PDE7B: variants seen among roughly 807,000 people sequenced by gnomAD.
PDE7B encodes the protein 3',5'-cyclic-AMP phosphodiesterase 7B.
PDE7B carries 29 observed loss-of-function variants against 56.2 expected under a neutral mutation model. The ratio of observed to expected loss-of-function variants is 0.52; its 90% CI spans 0.38 to 0.70. The LOEUF (loss-of-function observed/expected upper bound fraction) is 0.70. Ranked by LOEUF, PDE7B falls within the 30% of genes least tolerant of loss-of-function variation. The pLI is 0.00. For missense variants in PDE7B, 490 were observed against 565.0 expected (o/e 0.87, Z 1.35); for synonymous variants, 197 against 196.9 (o/e 1.00, Z 0.00).
chr6:135,950,456 T>C (rs939394738), intron 2 of PDE7B, among the ~76,000 whole-genome samples: 1 of 152,228 alleles, frequency 6.6e-6, no homozygotes, highest in Non-Finnish European at 1.5e-5. Flanking sequence ...ACCATAAATG[T>C]AGTTTTTATT....
chr6:136,167,313 T>C (rs1184921752), intron 8 of PDE7B, among the ~76,000 whole-genome samples: 1 of 152,180 alleles, frequency 6.6e-6, no homozygotes, highest in Non-Finnish European at 1.5e-5. Context: ...ATGGTTTGGC[T>C]GTGTCCCCAC....
chr6:135,888,276 CAA>C (rs1775745413), intron 1 of PDE7B, among the ~76,000 whole-genome samples: 1 of 152,148 alleles, frequency 6.6e-6, no homozygotes, highest in Non-Finnish European at 1.5e-5. Flanking sequence ...CAAGGTCACA[CAA>C]TTAGTGTGAC....
rs113369504 is a variant in PDE7B, at chr6:135,916,650, C to A, written c.22-30814C>A. ...CCATGATCCACCTGCCTCAGCCTCC[C>A]AAAGTGCTGGGATTACAGGCGTTAG... is the stretch of plus-strand genomic sequence containing the variant. On this transcript the variant is annotated intron_variant, in intron 1 of 12. Coordinates refer to ENST00000308191, the MANE Select transcript of PDE7B (RefSeq NM_018945.4). Among the ~76,000 whole-genome samples, 563 of 152,092 alleles carry A rather than the reference C, an allele frequency of 3.7e-3. 5 individuals carry two copies. The highest frequency in any genetic ancestry group is 0.013 in the African/African-American group (550 of 41,532).
chr6:135,978,091 G>A (rs1310608939), intron 2 of PDE7B, among the ~76,000 whole-genome samples: 1 of 152,088 alleles, frequency 6.6e-6, no homozygotes, highest in Non-Finnish European at 1.5e-5. Flanking sequence ...TTTCATCATA[G>A]TGTAAACATC....
intron 2 of PDE7B, among the ~76,000 whole-genome samples, chr6:136,083,589 C>A (rs900692876): frequency 1.3e-5 from 2 of 152,146 alleles, no homozygotes; most frequent in African/African-American, 2.4e-5. Context: ...TACTTCCCAG[C>A]CACATTTGAA....
intron 3 of PDE7B, among the ~76,000 whole-genome samples, chr6:136,109,333 T>G (rs982896651): frequency 6.6e-6 from 1 of 152,190 alleles, no homozygotes; most frequent in Admixed American, 6.5e-5. Flanking sequence ...AGAATAAAAT[T>G]TTTTGTATAA....
At chr6:136,149,202 A>G (rs1254879819) in intron 5 of PDE7B, 52 bp downstream of exon 5, 2 of 1,217,840 alleles carry the variant, frequency 1.6e-6, no homozygotes, top group Non-Finnish European at 2.4e-6. Flanking sequence ...AAGTGGGATT[A>G]ATTTCATGAA....
chr6:136,014,918 T>A (rs1748761857), intron 2 of PDE7B, among the ~76,000 whole-genome samples: 1 of 152,230 alleles, frequency 6.6e-6, no homozygotes, highest in African/African-American at 2.4e-5. Flanking sequence ...GAGGAGCTGC[T>A]GCCAGAACTT....
At position 136,100,131 on chromosome 6, in the gene PDE7B, A is replaced by G. The variant is rs370276040; in HGVS notation, c.83-8600A>G. On this transcript the variant is annotated intron_variant, in intron 2 of 12. Coordinates refer to ENST00000308191, the MANE Select transcript of PDE7B (RefSeq NM_018945.4). ...GGCCTCTGTTCTGTTCCATTGGTCTATATATCTGTTTTAGTACCAGTACCA... is the reference window on the plus strand; with the variant it reads ...GGCCTCTGTTCTGTTCCATTGGTCTGTATATCTGTTTTAGTACCAGTACCA... Among the ~76,000 whole-genome samples the G allele has an allele frequency of 1.3e-4, 20 of 152,256 alleles. No homozygotes were observed. The South Asian group carries it at 1.7e-3, about 13-fold the overall frequency.
intron 2 of PDE7B, among the ~76,000 whole-genome samples, chr6:135,959,949 T>A (rs1379850432): frequency 6.6e-6 from 1 of 152,060 alleles, no homozygotes; most frequent in East Asian, 1.9e-4. Flanking sequence ...AATTTTTAAA[T>A]TTTTTGTACA....
At chr6:136,011,580 A>G (rs1200168988) in intron 2 of PDE7B, among the ~76,000 whole-genome samples, 2 of 152,190 alleles carry the variant, frequency 1.3e-5, no homozygotes, top group African/African-American at 4.8e-5. Context: ...CCTCTTAAGT[A>G]ATGTTCTCAC....
intron 1 of PDE7B, among the ~76,000 whole-genome samples, chr6:135,938,125 C>T (rs1301813089): frequency 5.3e-5 from 8 of 152,154 alleles, no homozygotes; most frequent in African/African-American, 9.7e-5. Flanking sequence ...ATTTGAACCC[C>T]GATATACTCA....
intron 2 of PDE7B, chr6:136,070,203 A>G (rs1008237463): frequency 6.6e-6 from 1 of 152,092 alleles, no homozygotes; most frequent in Admixed American, 6.5e-5. Flanking sequence ...ACTTAAACTC[A>G]AAACCAGTTG....
chr6:135,890,760 G>A (rs145628105), intron 1 of PDE7B, among the ~76,000 whole-genome samples: 22 of 152,244 alleles, frequency 1.4e-4, no homozygotes, highest in African/African-American at 4.8e-4. Context: ...TTCGAGGTCC[G>A]GGGAGGAAAT....
chr6:135,906,960 A>G (rs911540858), intron 1 of PDE7B, among the ~76,000 whole-genome samples: 1 of 152,012 alleles, frequency 6.6e-6, no homozygotes, highest in Non-Finnish European at 1.5e-5. Context: ...TTAACCAGCT[A>G]AATTGACCCC....
chr6:136,000,211 C>A (rs553498337), intron 2 of PDE7B, among the ~76,000 whole-genome samples: 1 of 152,196 alleles, frequency 6.6e-6, no homozygotes, highest in Non-Finnish European at 1.5e-5. Flanking sequence ...TCTGTTCAAT[C>A]TGTTGATAGC....
intron 2 of PDE7B, among the ~76,000 whole-genome samples, chr6:135,974,408 T>C (rs868302891): frequency 4.6e-5 from 7 of 152,238 alleles, no homozygotes; most frequent in Middle Eastern, 3.4e-3. Context: ...ATCATATGGG[T>C]GTTATGTTCC....
At chr6:135,938,426 C>G (rs1774456483) in intron 1 of PDE7B, among the ~76,000 whole-genome samples, 1 of 152,170 alleles carries the variant, frequency 6.6e-6, no homozygotes, top group African/African-American at 2.4e-5. Context: ...GTATTTGAGT[C>G]TGCTACAGGA....
chr6:135,863,476 T>C (rs1365122896), intron 1 of PDE7B, among the ~76,000 whole-genome samples: 1 of 152,000 alleles, frequency 6.6e-6, no homozygotes, highest in Admixed American at 6.6e-5. Flanking sequence ...GTTTGTGACC[T>C]AAAAAGGTTC....
Sources: allele counts gnomAD v4.1 joint callset (sites outside exome capture counted in the v4.1 genomes callset), GRCh38; gene constraint gnomAD v4.1.1; transcripts MANE v1.5; gene names NCBI Gene and HGNC (gene_info 2026-07-23, HGNC 2026-07-21).